MED13L: variants seen among roughly 807,000 people sequenced by gnomAD.
MED13L encodes mediator complex subunit 13L.
In MED13L, 7 loss-of-function variants were observed where a neutral mutation model predicts 220.9. The observed-to-expected ratio is 0.03, with a 90% CI of 0.02 to 0.06. The LOEUF (loss-of-function observed/expected upper bound fraction) is 0.06. Among genes scored for constraint, MED13L ranks in the 10% least tolerant of loss-of-function variants. MED13L has a pLI of 1.00. For synonymous variants in MED13L, 1,011 were observed against 1,015.2 expected (o/e 1.00, Z 0.08); for missense variants, 1,965 against 2,760.5 (o/e 0.71, Z 6.46).
At chr12:116,152,742 A>AT (rs1246356183) in intron 2 of MED13L, among the ~76,000 whole-genome samples, 1 of 152,154 alleles carries the variant, frequency 6.6e-6, no homozygotes, top group African/African-American at 2.4e-5. Flanking sequence ...AAATGCCCTT[A>AT]TTTTTTAAAA....
In MED13L at chr12:116,110,667, TAGCGGAGAA is replaced by T. The variant is rs544994832; in HGVS notation, c.395+752_395+760del. 2.2e-3 allele frequency among the ~76,000 whole-genome samples: 335 copies of T among 152,318 alleles called. 2 individuals are homozygous for T. The highest frequency in any genetic ancestry group is 7.8e-3 in the African/African-American group (324 of 41,568). On this transcript the variant is annotated intron_variant, in intron 3 of 30. Coordinates refer to ENST00000281928, the MANE Select transcript of MED13L (RefSeq NM_015335.5). ...AGTTAACAAAATACTTATTAGTTTATAGCGGAGAAACTTGACAGAACATTACCTCAGTCA... is the reference window on the plus strand; with the variant it reads ...AGTTAACAAAATACTTATTAGTTTATACTTGACAGAACATTACCTCAGTCA...
At chr12:116,269,606 T>G (rs1266305988) in intron 1 of MED13L, among the ~76,000 whole-genome samples, 1 of 152,080 alleles carries the variant, frequency 6.6e-6, no homozygotes, top group Non-Finnish European at 1.5e-5. Context: ...GTGGGAGGAC[T>G]GCTTGAGCCC....
At chr12:116,098,035 A>C (rs1372888356) in intron 3 of MED13L, among the ~76,000 whole-genome samples, 1 of 152,198 alleles carries the variant, frequency 6.6e-6, no homozygotes, top group Non-Finnish European at 1.5e-5. Flanking sequence ...ACCTGAGGTC[A>C]GGAGTTCGAG....
chr12:116,000,351 G>A (rs566035863), intron 14 of MED13L, among the ~76,000 whole-genome samples: 11 of 152,290 alleles, frequency 7.2e-5, no homozygotes, highest in African/African-American at 2.2e-4. Context: ...CCACCAGGAC[G>A]GACTGGAGGT....
intron 22 of MED13L, chr12:115,981,967 A>T (rs1467548143): frequency 5.0e-6 from 1 of 200,192 alleles, no homozygotes; most frequent in Non-Finnish European, 1.0e-5. Context: ...AAAAATCTGA[A>T]ATCCAAAATG....
chr12:116,053,511 G>C (rs984168265), intron 4 of MED13L, among the ~76,000 whole-genome samples: 44 of 152,284 alleles, frequency 2.9e-4, no homozygotes, highest in African/African-American at 9.6e-4. Flanking sequence ...GAAATACTAA[G>C]AGTTATTAAT....
At chr12:116,071,429 T>C (rs552192067) in intron 4 of MED13L, among the ~76,000 whole-genome samples, 4 of 152,352 alleles carry the variant, frequency 2.6e-5, no homozygotes, top group Non-Finnish European at 5.9e-5. Flanking sequence ...GTTTTTGTTT[T>C]GTTTTGTTTT....
intron 4 of MED13L, among the ~76,000 whole-genome samples, chr12:116,053,407 G>A (rs893488265): frequency 6.6e-6 from 1 of 152,208 alleles, no homozygotes; most frequent in Non-Finnish European, 1.5e-5. Context: ...AAGAGGCACT[G>A]TGGAGGAGTT....
At chr12:116,003,468 T>C (rs916242848) in intron 13 of MED13L, among the ~76,000 whole-genome samples, 6 of 151,688 alleles carry the variant, frequency 4.0e-5, no homozygotes, top group Non-Finnish European at 5.9e-5. Context: ...AGCAAGCAGC[T>C]AAAAGGCATA....
At chr12:116,066,757 A>AT (rs1869958930) in intron 4 of MED13L, among the ~76,000 whole-genome samples, 1 of 151,630 alleles carries the variant, frequency 6.6e-6, no homozygotes, top group East Asian at 1.9e-4. Flanking sequence ...TCAAAATTGT[A>AT]TTAAAAAAAA....
At chr12:116,092,405 AAG>A (rs1872306255) in intron 4 of MED13L, among the ~76,000 whole-genome samples, 1 of 152,196 alleles carries the variant, frequency 6.6e-6, no homozygotes, top group Non-Finnish European at 1.5e-5. Flanking sequence ...CGTACCACTC[AAG>A]AACAGGGCAG....
intron 1 of MED13L, among the ~76,000 whole-genome samples, chr12:116,252,194 T>A (rs1045788150): frequency 5.3e-5 from 8 of 152,198 alleles, no homozygotes; most frequent in Admixed American, 5.2e-4. Flanking sequence ...CAAATTGACA[T>A]TTATAAAACA....
chr12:116,146,984 A>T (rs1877582046), intron 2 of MED13L, among the ~76,000 whole-genome samples: 1 of 152,198 alleles, frequency 6.6e-6, no homozygotes, highest in African/African-American at 2.4e-5. Context: ...GTAAAACAAA[A>T]ACAACTACTC....
Position 116,008,558 on chromosome 12 carries a change from A to C in MED13L, c.1855T>G (p.Cys619Gly), listed in dbSNP as rs1345208839. The C allele has an allele frequency of 6.2e-6, 10 of 1,613,892 alleles. No homozygotes were observed. Among genetic ancestry groups the C allele is most frequent in the South Asian group, 2.2e-5 (2 of 91,080 alleles). The change falls in exon 10 of 31, where the codon TGT (cysteine) becomes GGT (glycine). Residue 619 changes from cysteine (C) to glycine (G), a missense_variant. Physicochemically the swap from Cys to Gly is radical, Grantham distance 159. Coordinates refer to ENST00000281928, the MANE Select transcript of MED13L (RefSeq NM_015335.5). ...TCCGGGTTCGAGGGCCTAATCCCAC[A>C]ATATAAGGCTGTCTCGCTGACCTCT... The part of the protein sequence containing the change: ...MAEVSETALY[C>G]GIRPSNPESS...
At chr12:116,016,877 C>T (rs761538242) in intron 7 of MED13L, among the ~76,000 whole-genome samples, 63 of 152,232 alleles carry the variant, frequency 4.1e-4, no homozygotes, top group Non-Finnish European at 9.0e-4. Context: ...ACTATTCGGC[C>T]CTCCTAAGCC....
At position 115,991,826 on chromosome 12, in the gene MED13L, G is replaced by A; in HGVS notation, c.3128C>T (p.Thr1043Ile). 2 of 1,612,620 alleles carry A rather than the reference G, an allele frequency of 1.2e-6. No individual in the cohort carries two copies. The highest frequency in any genetic ancestry group is 1.7e-6 in the Non-Finnish European group (2 of 1,179,992). Reference sequence around the variant, plus strand: ...TGGTGTGGGGACAGAGAAGCGAGGGGTTGCTGGAGATGGTAGGACTCCTGC... The same window carrying A: ...TGGTGTGGGGACAGAGAAGCGAGGGATTGCTGGAGATGGTAGGACTCCTGC... Reference protein sequence around the residue: ...SGAGVLPSPATPRFSVPTPRT... With the variant: ...SGAGVLPSPAIPRFSVPTPRT... The change falls in exon 17 of 31, where the codon ACC becomes ATC. Residue 1043 changes from threonine (T) to isoleucine (I), a missense_variant. Around this residue, in one of 10 missense-constraint regions of MED13L, gnomAD observed 233 missense variants for 306.2 expected, o/e 0.76. Coordinates refer to ENST00000281928, the MANE Select transcript of MED13L (RefSeq NM_015335.5). This position sits in a 1 kb window ranked among gnomAD's most constrained non-coding sequence, Gnocchi z 7.7.
chr12:115,993,772 A>T (rs1878224390), intron 16 of MED13L, among the ~76,000 whole-genome samples: 1 of 152,208 alleles, frequency 6.6e-6, no homozygotes, highest in Non-Finnish European at 1.5e-5. Flanking sequence ...GGTAGTAAGA[A>T]TGGTTTATCT....
intron 2 of MED13L, among the ~76,000 whole-genome samples, chr12:116,191,218 T>C (rs1002480312): frequency 2.6e-5 from 4 of 152,158 alleles, no homozygotes; most frequent in African/African-American, 4.8e-5. Context: ...AACAAAATTC[T>C]ACCTTCTAAC....
At chr12:116,271,904 A>AACAC (rs1213656729) in intron 1 of MED13L, among the ~76,000 whole-genome samples, 1 of 151,880 alleles carries the variant, frequency 6.6e-6, no homozygotes, top group Non-Finnish European at 1.5e-5. Flanking sequence ...TTTCAAAAAA[A>AACAC]ACACACACAC....
Sources: gnomAD v4.1 joint callset for allele counts (sites outside exome capture counted in the v4.1 genomes callset) on GRCh38, gnomAD v4.1.1 for gene constraint, gnomAD v4.1.1 regional missense constraint, Gnocchi (gnomAD v3.1) non-coding constraint, MANE v1.5 for transcripts, NCBI Gene and HGNC (gene_info 2026-07-23, HGNC 2026-07-21) for gene names.